NTRK2: variants seen among roughly 807,000 people sequenced by gnomAD.
The protein encoded by NTRK2 is neurotrophic receptor tyrosine kinase 2, also known as BDNF/NT-3 growth factors receptor.
Under a neutral mutation model 94.5 loss-of-function variants are expected in NTRK2, and 13 were observed. The ratio of observed to expected loss-of-function variants is 0.14; its 90% CI spans 0.09 to 0.22. The LOEUF (loss-of-function observed/expected upper bound fraction) is 0.22, where lower values mean the gene tolerates loss of function less well. NTRK2 is among the 10% of genes least tolerant of loss of function. The pLI is 1.00. For missense variants in NTRK2, 639 were observed against 1,071.2 expected (o/e 0.60, Z 5.63); for synonymous variants, 372 against 407.4 (o/e 0.91, Z 1.05).
intron 14 of NTRK2, among the ~76,000 whole-genome samples, chr9:84,893,686 T>A (rs987706730): frequency 3.9e-5 from 6 of 152,106 alleles, no homozygotes; most frequent in African/African-American, 1.4e-4. Flanking sequence ...GATTGTTCCA[T>A]GAGACAAAGG....
chr9:84,741,394 GA>G (rs1343592740), intron 9 of NTRK2, among the ~76,000 whole-genome samples: 1 of 152,158 alleles, frequency 6.6e-6, no homozygotes, highest in African/African-American at 2.4e-5. Flanking sequence ...AGATAAGGTG[GA>G]GAATAAAATT....
intron 12 of NTRK2, chr9:84,815,224 A>C (rs1303328386): frequency 9.5e-7 from 1 of 1,056,786 alleles, no homozygotes; most frequent in African/African-American, 1.6e-5. Context: ...GTTGCAGTAT[A>C]GCTTTGGCAT....
chr9:84,729,096 G>A (rs905182883), intron 9 of NTRK2, among the ~76,000 whole-genome samples: 33 of 152,250 alleles, frequency 2.2e-4, no homozygotes, highest in African/African-American at 7.0e-4. Flanking sequence ...GTACCTGTGT[G>A]GCTCCCAGGG....
intron 14 of NTRK2, chr9:84,875,617 G>A: frequency 9.4e-7 from 1 of 1,060,656 alleles, no homozygotes; most frequent in Non-Finnish European, 1.1e-6. Flanking sequence ...TACATTTCCT[G>A]ATGTTTAGGG....
In NTRK2 at chr9:85,025,558, T is replaced by C. The variant is rs766433074; in HGVS notation, c.*4121T>C. The C allele has an allele frequency of 2.1e-5, 5 of 233,258 alleles. No individual in the cohort carries two copies. The Middle Eastern group carries it at 3.8e-3, about 179-fold the overall frequency. The allele number at this position is 233,258 out of a possible 1,614,324, so 14.4% of individuals were successfully genotyped here. The stretch of plus-strand genomic sequence containing the variant: ...CTAACAGCAGGATTACCTGGTCAAG[T>C]ATGGACTTTCTTTGAATCTTTCTTT... On this transcript the variant is annotated 3_prime_UTR_variant, in exon 19 of 19. Coordinates refer to ENST00000277120, the MANE Select transcript of NTRK2 (RefSeq NM_006180.6).
intron 12 of NTRK2, chr9:84,810,895 A>T: frequency 8.1e-7 from 1 of 1,230,644 alleles, no homozygotes; most frequent in Non-Finnish European, 1.0e-6. Context: ...ATTGGATTGT[A>T]CTTCTCTTCT....
chr9:84,811,230 T>C, intron 12 of NTRK2: 1 of 1,063,906 alleles, frequency 9.4e-7, no homozygotes, highest in Non-Finnish European at 1.1e-6. Flanking sequence ...AGCTTAGGTC[T>C]GAGAGTCAAA....
intron 12 of NTRK2, chr9:84,815,345 G>C: frequency 9.6e-7 from 1 of 1,046,702 alleles, no homozygotes. Context: ...AAAAAGAAAG[G>C]AACAGAGATT....
intron 12 of NTRK2, among the ~76,000 whole-genome samples, chr9:84,775,944 G>A (rs1378162238): frequency 6.6e-6 from 1 of 152,132 alleles, no homozygotes; most frequent in Non-Finnish European, 1.5e-5. Flanking sequence ...AAAACATTAA[G>A]GCCAGTCTTC....
intron 14 of NTRK2, among the ~76,000 whole-genome samples, chr9:84,929,488 CT>C (rs931143804): frequency 6.6e-6 from 1 of 151,450 alleles, no homozygotes; most frequent in South Asian, 2.1e-4. Flanking sequence ...CTATAAAACT[CT>C]TTTTTTTAAA....
At chr9:84,992,133 A>G (rs1173733735) in intron 17 of NTRK2, among the ~76,000 whole-genome samples, 3 of 152,170 alleles carry the variant, frequency 2.0e-5, no homozygotes, top group Admixed American at 1.3e-4. Flanking sequence ...GTTCAACCAC[A>G]GTTGAAATGA....
chr9:85,017,318 T>C (rs1320595971), intron 17 of NTRK2, among the ~76,000 whole-genome samples: 1 of 152,162 alleles, frequency 6.6e-6, no homozygotes, highest in Non-Finnish European at 1.5e-5. Flanking sequence ...GTATACATTA[T>C]TACTTACATA....
intron 2 of NTRK2, among the ~76,000 whole-genome samples, chr9:84,684,193 G>A (rs2059571675): frequency 6.6e-6 from 1 of 152,134 alleles, no homozygotes; most frequent in Admixed American, 6.5e-5. Context: ...AAGCTCTTTA[G>A]TTTAAGTAGA....
At chr9:84,731,154 C>G (rs1564146210) in intron 9 of NTRK2, among the ~76,000 whole-genome samples, 1 of 152,046 alleles carries the variant, frequency 6.6e-6, no homozygotes, top group Admixed American at 6.6e-5. Context: ...CAGATTTCTG[C>G]TCGGGCGCGC....
At chr9:84,770,153 AACAC>A (rs35363257) in intron 12 of NTRK2, among the ~76,000 whole-genome samples, 2,503 of 136,958 alleles carry the variant, frequency 0.018, 37 homozygotes, top group African/African-American at 0.038. Context: ...TGTGCATGAG[AACAC>A]ACACACACAC....
rs371257640 is a variant in NTRK2 at position 84,823,772 on chromosome 9, T to G, written c.1397-37268T>G. Among the ~76,000 whole-genome samples, 3 of 152,228 alleles carry G rather than the reference T, an allele frequency of 2.0e-5. No homozygotes were observed. The East Asian group carries it at 5.8e-4, about 29-fold the overall frequency. ...TGTTGGCAAGACCCTTCACATTTTT[T>G]AAGGTCTCTATGAGCCAAACATAAC... On this transcript the variant is annotated intron_variant, in intron 12 of 18. Coordinates refer to ENST00000277120, the MANE Select transcript of NTRK2 (RefSeq NM_006180.6).
chr9:84,722,940 C>T (rs1390980145), intron 6 of NTRK2, among the ~76,000 whole-genome samples: 2 of 152,050 alleles, frequency 1.3e-5, no homozygotes, highest in East Asian at 1.9e-4. Flanking sequence ...GCAATTTTAC[C>T]TATAATATTT....
At chr9:84,707,078 GTTTCC>G (rs995754776) in intron 4 of NTRK2, among the ~76,000 whole-genome samples, 1 of 152,248 alleles carries the variant, frequency 6.6e-6, no homozygotes, top group African/African-American at 2.4e-5. Context: ...ATGGCTCTGA[GTTTCC>G]TACCCCAAAA....
At position 85,022,690 on chromosome 9, in the gene NTRK2, C is replaced by T. The variant is rs1832841517; in HGVS notation, c.*1253C>T. On this transcript the variant is annotated 3_prime_UTR_variant, in exon 19 of 19. Transcript: ENST00000277120. ...CACTACTGCTCCAGACGTCGTTTCC[C>T]TGATAGGTAGAGCAGATCCATAAAA... 1 of 233,022 alleles carries T rather than the reference C, an allele frequency of 4.3e-6. No individual in the cohort carries two copies. Among genetic ancestry groups the T allele is most frequent in the African/African-American group, 2.2e-5 (1 of 45,310 alleles). 14.4% of individuals were successfully genotyped at this position (233,022 alleles called of 1,614,324 possible). A position where few individuals can be genotyped will look rare whatever the true frequency, so the allele number is the denominator to read the frequency against.
Sources: allele counts gnomAD v4.1 joint callset (sites outside exome capture counted in the v4.1 genomes callset), GRCh38; gene constraint gnomAD v4.1.1; transcripts MANE v1.5; gene names NCBI Gene and HGNC (gene_info 2026-07-23, HGNC 2026-07-21).